TEKT3: variants seen among roughly 807,000 people sequenced by gnomAD.
The protein encoded by TEKT3 is tektin-3.
Under a neutral mutation model 49.8 loss-of-function variants are expected in TEKT3, and 49 were observed. The ratio of observed to expected loss-of-function variants is 0.98; its 90% CI spans 0.78 to 1.25. The LOEUF (loss-of-function observed/expected upper bound fraction) is 1.25. TEKT3 is among the 50% of genes most tolerant of loss of function. The probability of loss-of-function intolerance (pLI) is 0.00; values close to 1 mark genes in which losing one functional copy is unlikely to be tolerated. For synonymous variants in TEKT3, 225 were observed against 237.2 expected, an observed-to-expected ratio of 0.95 and a Z score of 0.47; for missense variants, 595 against 629.5, an observed-to-expected ratio of 0.95 and a Z score of 0.59.
At chr17:15,324,300 C>T (rs1567579947) in intron 4 of TEKT3, among the ~76,000 whole-genome samples, 1 of 152,100 alleles carries the variant, frequency 6.6e-6, no homozygotes, top group Non-Finnish European at 1.5e-5. Flanking sequence ...GGCAGAATAA[C>T]CTGTTGTATG....
intron 4 of TEKT3, among the ~76,000 whole-genome samples, chr17:15,320,891 C>T (rs1332525808): frequency 6.6e-6 from 1 of 152,040 alleles, no homozygotes; most frequent in African/African-American, 2.4e-5. Context: ...CATTTAAAAC[C>T]CCAAATTGTG....
intron 4 of TEKT3, among the ~76,000 whole-genome samples, chr17:15,322,719 C>T (rs1158885505): frequency 6.6e-6 from 1 of 152,166 alleles, no homozygotes; most frequent in East Asian, 1.9e-4. Flanking sequence ...GGTAAACCTC[C>T]TGTCTAACAG....
chr17:15,318,114 C>G (rs746731928), intron 5 of TEKT3, among the ~76,000 whole-genome samples: 2 of 151,816 alleles, frequency 1.3e-5, no homozygotes, highest in South Asian at 2.1e-4. Context: ...CTCAACCTCC[C>G]GAGTAGCTGG....
chr17:15,328,217 A>G, intron 3 of TEKT3, 142 bp from the exon 4 acceptor site: 1 of 646,170 alleles, frequency 1.5e-6, no homozygotes, highest in Non-Finnish European at 2.7e-6. Context: ...CTAGCCTGAA[A>G]CAGACTGTAA....
chr17:15,319,000 A>G, intron 5 of TEKT3, 77 bp downstream of exon 5: 1 of 1,215,460 alleles, frequency 8.2e-7, no homozygotes, highest in South Asian at 1.4e-5. Flanking sequence ...TAAGAAATTA[A>G]GAGAAATTTC....
chr17:15,318,869 C>T (rs1044905830), intron 5 of TEKT3, among the ~76,000 whole-genome samples: 3 of 152,110 alleles, frequency 2.0e-5, no homozygotes, highest in African/African-American at 7.2e-5. Context: ...TTATGGGGTA[C>T]ATGTGATATT....
intron 3 of TEKT3, among the ~76,000 whole-genome samples, chr17:15,330,391 T>C (rs977190683): frequency 6.6e-6 from 1 of 152,082 alleles, no homozygotes; most frequent in South Asian, 2.1e-4. Context: ...GATTGGATCG[T>C]GGGGGTAGAT....
chr17:15,308,854 T>C, intron 7 of TEKT3, 36 bp from the exon 8 acceptor site: 1 of 1,601,528 alleles, frequency 6.2e-7, no homozygotes, highest in Non-Finnish European at 8.5e-7. Context: ...GAGGCTTTGG[T>C]GTGGTCCCTT....
At chr17:15,310,368 C>T (rs1910718603) in intron 7 of TEKT3, among the ~76,000 whole-genome samples, 1 of 152,096 alleles carries the variant, frequency 6.6e-6, no homozygotes. Context: ...AAGTACGAAT[C>T]GCCAGTGCCT....
At chr17:15,336,906 T>C (rs1912002265) in intron 2 of TEKT3, among the ~76,000 whole-genome samples, 2 of 152,188 alleles carry the variant, frequency 1.3e-5, no homozygotes, top group Non-Finnish European at 2.9e-5. Flanking sequence ...TATTTGCCTT[T>C]CTCACAAATT....
chr17:15,341,175 C>T (rs544052603), intron 1 of TEKT3, among the ~76,000 whole-genome samples: 91 of 152,232 alleles, frequency 6.0e-4, no homozygotes, highest in Middle Eastern at 3.4e-3. Context: ...CGGCCAGCAC[C>T]GCAGTGGAAA....
At chr17:15,326,546 A>T (rs112637097) in intron 4 of TEKT3, among the ~76,000 whole-genome samples, 2 of 152,176 alleles carry the variant, frequency 1.3e-5, no homozygotes, top group African/African-American at 2.4e-5. Flanking sequence ...GTATTTTTTT[A>T]AAGAGCTGGA....
chr17:15,331,743 A>G, intron 2 of TEKT3, 129 bp from the exon 3 acceptor site: 1 of 666,988 alleles, frequency 1.5e-6, no homozygotes, highest in South Asian at 2.3e-5. Context: ...GCTTGTTCTC[A>G]TTTGTTATCC....
At chr17:15,321,171 G>A (rs542417917) in intron 4 of TEKT3, among the ~76,000 whole-genome samples, 7 of 151,996 alleles carry the variant, frequency 4.6e-5, no homozygotes, top group South Asian at 4.2e-4. Context: ...CACCATGCCT[G>A]GCTAATTTTT....
intron 6 of TEKT3, among the ~76,000 whole-genome samples, chr17:15,313,048 A>C (rs1383450976): frequency 6.6e-6 from 1 of 152,232 alleles, no homozygotes; most frequent in Non-Finnish European, 1.5e-5. Context: ...GAAATGTATT[A>C]TAAGGAAACA....
At chr17:15,343,147 C>T (rs989451901), upstream of TEKT3, among the ~76,000 whole-genome samples, 2 of 152,224 alleles carry the variant, frequency 1.3e-5, no homozygotes, top group Non-Finnish European at 2.9e-5. Context: ...GCTTTGCACA[C>T]ATCTAGATGC....
intron 4 of TEKT3, 97 bp from the exon 5 acceptor site, chr17:15,319,244 T>C: frequency 9.6e-7 from 1 of 1,047,052 alleles, no homozygotes; most frequent in Non-Finnish European, 1.4e-6. Flanking sequence ...AAAATTTTGT[T>C]TCTTAAAATA....
At chr17:15,328,123 A>G (rs1911568514) in intron 3 of TEKT3, 48 bp from the exon 4 acceptor site, 5 of 1,502,742 alleles carry the variant, frequency 3.3e-6, no homozygotes, top group Non-Finnish European at 4.6e-6. Flanking sequence ...CTGACAATCC[A>G]TGACTAGCAG....
chr17:15,318,285 G>A (rs372572816), intron 5 of TEKT3, among the ~76,000 whole-genome samples: 8 of 152,002 alleles, frequency 5.3e-5, no homozygotes, highest in South Asian at 4.2e-4. Context: ...CACCACGCCC[G>A]GCCGCCGCAG....
Sources: allele counts gnomAD v4.1 joint callset (sites outside exome capture counted in the v4.1 genomes callset), GRCh38; gene constraint gnomAD v4.1.1; transcripts MANE v1.5; gene names NCBI Gene and HGNC (gene_info 2026-07-23, HGNC 2026-07-21).